The following RIIAD1 variants were observed in gnomAD, a reference collection of about 807,000 sequenced individuals.
The protein encoded by RIIAD1 is RIIa domain-containing protein 1.
Under a neutral mutation model 13.3 loss-of-function variants are expected in RIIAD1, and 15 were observed. The ratio of observed to expected loss-of-function variants is 1.13; its 90% CI spans 0.76 to 1.74. The LOEUF (loss-of-function observed/expected upper bound fraction) is 1.74. Among genes scored for constraint, RIIAD1 ranks in the 40% most tolerant of loss-of-function variants. The pLI, the probability that RIIAD1 is intolerant of heterozygous loss-of-function variation, is 0.00. For missense variants in RIIAD1, 121 were observed against 112.2 expected, an observed-to-expected ratio of 1.08 and a Z score of -0.35; for synonymous variants, 50 against 43.3, an observed-to-expected ratio of 1.16 and a Z score of -0.61.
chr1:151,717,092 C>CG (rs1295900333), upstream of RIIAD1, among the ~76,000 whole-genome samples: 4 of 152,156 alleles, frequency 2.6e-5, no homozygotes, highest in African/African-American at 9.6e-5. Flanking sequence ...TCCATTGTTC[C>CG]GGGGGCTGGA....
Position 151,721,559 on chromosome 1 carries a change from T to G in RIIAD1, c.23T>G (p.Leu8Arg). ...AAGATGGAGACGCTGCCAGGCTTGCTGCAGCGGCCCGACCCCGGGGCGCTT... is the reference window on the plus strand; with the variant it reads ...AAGATGGAGACGCTGCCAGGCTTGCGGCAGCGGCCCGACCCCGGGGCGCTT... METLPGLLQRPDPGALSA... is the reference protein window; with the variant it reads METLPGLRQRPDPGALSA... The change falls in exon 1 of 5, where the codon CTG becomes CGG. Residue 8 changes from leucine (L) to arginine (R), a missense_variant. Coordinates refer to ENST00000479191, the MANE Select transcript of RIIAD1 (RefSeq NM_001144956.3). The G allele has an allele frequency of 3.8e-6, 5 of 1,330,486 alleles. No homozygotes were observed. Among genetic ancestry groups the G allele is most frequent in the Non-Finnish European group, 4.8e-6 (5 of 1,038,642 alleles). The allele number at this position is 1,330,486 out of a possible 1,614,324, so 82.4% of individuals were successfully genotyped here.
At chr1:151,712,537 G>A (rs1378741837) in intron 2 of RIIAD1, among the ~76,000 whole-genome samples, 1 of 152,204 alleles carries the variant, frequency 6.6e-6, no homozygotes, top group Non-Finnish European at 1.5e-5. Context: ...GGTTCAGGGT[G>A]AAGGGGGAAG....
At chr1:151,728,670 C>A in intron 3 of RIIAD1, 96 bp from the exon 4 acceptor site, 1 of 739,270 alleles carries the variant, frequency 1.4e-6, no homozygotes. Flanking sequence ...CGTACCAAGC[C>A]ATCCTAACTT....
chr1:151,722,201 G>C (rs1379476457), intron 2 of RIIAD1, 39 bp downstream of exon 2: 2 of 1,312,484 alleles, frequency 1.5e-6, no homozygotes, highest in East Asian at 5.0e-5. Context: ...GTGGCACGCA[G>C]GGTTTTCTTC....
At chr1:151,721,501 C>T (rs894882217), upstream of RIIAD1, 2 of 1,266,218 alleles carry the variant, frequency 1.6e-6, no homozygotes, top group Admixed American at 4.0e-5. Context: ...GGGGCCTCGC[C>T]GGCTCGCGGC....
intron 4 of RIIAD1, chr1:151,715,681 TC>T: frequency 6.5e-7 from 1 of 1,528,024 alleles, no homozygotes; most frequent in Non-Finnish European, 8.8e-7. Context: ...AAAGAGGCCC[TC>T]CTTAGTCCTT....
intron 2 of RIIAD1, among the ~76,000 whole-genome samples, chr1:151,724,855 A>G (rs933165659): frequency 2.6e-5 from 4 of 151,006 alleles, no homozygotes; most frequent in African/African-American, 9.7e-5. Flanking sequence ...GCTGGAGTGC[A>G]GTGGTGCGAT....
chr1:151,716,148 C>T, intron 4 of RIIAD1: 1 of 930,042 alleles, frequency 1.1e-6, no homozygotes, highest in Non-Finnish European at 1.6e-6. Flanking sequence ...CTTTGGCCCC[C>T]AACCACGCTG....
upstream of RIIAD1, among the ~76,000 whole-genome samples, chr1:151,718,840 C>G (rs1478878548): frequency 6.6e-6 from 1 of 151,978 alleles, no homozygotes; most frequent in Admixed American, 6.6e-5. Context: ...CCCCACTGCT[C>G]CTTTCCTTGC....
intron 1 of RIIAD1, 115 bp from the exon 2 acceptor site, chr1:151,721,971 C>T: frequency 8.3e-6 from 6 of 722,446 alleles, no homozygotes; most frequent in Non-Finnish European, 1.2e-5. Flanking sequence ...TTCAAGCATC[C>T]TGGGGAAAGA....
chr1:151,726,369 A>G (rs1673829247), intron 2 of RIIAD1, among the ~76,000 whole-genome samples: 1 of 152,148 alleles, frequency 6.6e-6, no homozygotes. Flanking sequence ...ATTTTATTTT[A>G]TTTTGAAAAA....
upstream of RIIAD1, among the ~76,000 whole-genome samples, chr1:151,718,764 G>A (rs560976899): frequency 2.4e-4 from 37 of 152,224 alleles, no homozygotes; most frequent in South Asian, 7.7e-3. Flanking sequence ...AGCGAATGAC[G>A]GCAGAGCCAG....
At chr1:151,722,029 G>T in intron 1 of RIIAD1, 57 bp from the exon 2 acceptor site, 1 of 1,280,168 alleles carries the variant, frequency 7.8e-7, no homozygotes, top group South Asian at 1.3e-5. Flanking sequence ...CACATCTCCA[G>T]GGCTGAACCC....
intron 2 of RIIAD1, among the ~76,000 whole-genome samples, chr1:151,713,199 G>T (rs981730883): frequency 6.6e-6 from 1 of 152,170 alleles, no homozygotes; most frequent in African/African-American, 2.4e-5. Flanking sequence ...CTGGAGAAGG[G>T]CTAGACAATC....
chr1:151,721,279 C>A (rs1673728479), upstream of RIIAD1, among the ~76,000 whole-genome samples: 1 of 152,142 alleles, frequency 6.6e-6, no homozygotes, highest in Non-Finnish European at 1.5e-5. Flanking sequence ...TACTCTAGAG[C>A]TAACAAAAAA....
chr1:151,715,846 G>T (rs780023510), intron 4 of RIIAD1: 1 of 1,423,708 alleles, frequency 7.0e-7, no homozygotes, highest in Non-Finnish European at 9.5e-7. Flanking sequence ...AGCCCACCCC[G>T]AAGCCTCTTC....
At chr1:151,725,372 A>G (rs1218545034) in intron 2 of RIIAD1, among the ~76,000 whole-genome samples, 2 of 152,156 alleles carry the variant, frequency 1.3e-5, no homozygotes, top group Non-Finnish European at 1.5e-5. Flanking sequence ...GGCCTCCCAA[A>G]GTGCTGGGAT....
Position 151,715,976 on chromosome 1 carries a change from C to T in RIIAD1, c.21+1447C>T, listed in dbSNP as rs149099749. ...TCAGGTCCTTCTCCTCCAGATGCCT[C>T]GGGATCTGCCCCACAAACAGCTTGA... On this transcript the variant is annotated intron_variant, in intron 4 of 8. Transcript: ENST00000326413. 2.2e-4 allele frequency: 357 copies of T among 1,614,162 alleles called. No homozygotes were observed. The African/African-American group carries it at 3.8e-3, about 17-fold the overall frequency.
chr1:151,720,694 C>T (rs186903165), upstream of RIIAD1, among the ~76,000 whole-genome samples: 388 of 152,244 alleles, frequency 2.5e-3, 2 homozygotes, highest in African/African-American at 9.1e-3. Flanking sequence ...CCTTTTTTCT[C>T]CTGCTTCTCA....
Sources: gnomAD v4.1 joint callset for allele counts (sites outside exome capture counted in the v4.1 genomes callset) on GRCh38, gnomAD v4.1.1 for gene constraint, MANE v1.5 for transcripts, NCBI Gene and HGNC (gene_info 2026-07-23, HGNC 2026-07-21) for gene names.